SDK1: variants seen among roughly 807,000 people sequenced by gnomAD.
SDK1 encodes sidekick cell adhesion molecule 1, also known as protein sidekick-1.
Under a neutral mutation model 245.5 loss-of-function variants are expected in SDK1, and 157 were observed. The ratio of observed to expected loss-of-function variants is 0.64; its 90% CI spans 0.56 to 0.73. The LOEUF (loss-of-function observed/expected upper bound fraction) is 0.73. Among genes scored for constraint, SDK1 ranks in the 30% least tolerant of loss-of-function variants. SDK1 has a pLI of 0.00. For missense variants in SDK1, 3,583 were observed against 3,002.3 expected (o/e 1.19, Z -4.52); for synonymous variants, 1,647 against 1,278.5 (o/e 1.29, Z -6.15).
chr7:3,703,243 A>G (rs1784788913), intron 4 of SDK1, among the ~76,000 whole-genome samples: 1 of 152,162 alleles, frequency 6.6e-6, no homozygotes, highest in Non-Finnish European at 1.5e-5. Flanking sequence ...ATAATTTTAC[A>G]AATTATGGTG....
chr7:4,188,337 A>G (rs1011233249), intron 35 of SDK1, among the ~76,000 whole-genome samples: 1 of 152,178 alleles, frequency 6.6e-6, no homozygotes, highest in Non-Finnish European at 1.5e-5. Context: ...GAAATAGCCC[A>G]GGTTAAGTTT....
intron 1 of SDK1, among the ~76,000 whole-genome samples, chr7:3,578,854 C>A (rs893907069): frequency 1.3e-5 from 2 of 151,792 alleles, no homozygotes; most frequent in African/African-American, 4.8e-5. Context: ...ATTGTTCAAA[C>A]ACACATGTTT....
intron 30 of SDK1, among the ~76,000 whole-genome samples, chr7:4,157,211 T>C (rs1780788841): frequency 6.6e-6 from 1 of 151,266 alleles, no homozygotes; most frequent in Admixed American, 6.6e-5. Flanking sequence ...GCATGGGGCT[T>C]GGCACAGGAG....
At chr7:3,526,005 A>T (rs1583123382) in intron 1 of SDK1, among the ~76,000 whole-genome samples, 2 of 152,246 alleles carry the variant, frequency 1.3e-5, no homozygotes, top group South Asian at 4.1e-4. Flanking sequence ...AGGCTGAGGC[A>T]GGTGGAATCA....
chr7:4,259,431 G>A (rs1427486387), intron 44 of SDK1, among the ~76,000 whole-genome samples: 1 of 152,152 alleles, frequency 6.6e-6, no homozygotes, highest in Non-Finnish European at 1.5e-5. Flanking sequence ...GTGAAACTCT[G>A]TCTCAAAAAT....
At chr7:3,378,464 C>G (rs564851289) in intron 1 of SDK1, among the ~76,000 whole-genome samples, 1 of 152,248 alleles carries the variant, frequency 6.6e-6, no homozygotes, top group South Asian at 2.1e-4. Flanking sequence ...TTGACATTTT[C>G]TTCTGCTTAC....
chr7:3,903,179 C>T (rs1405233593), intron 5 of SDK1, among the ~76,000 whole-genome samples: 5 of 149,542 alleles, frequency 3.3e-5, no homozygotes, highest in South Asian at 2.1e-4. Flanking sequence ...GACGAGACTC[C>T]GTCGCTCAGG....
At chr7:3,684,955 T>C (rs980280834) in intron 4 of SDK1, among the ~76,000 whole-genome samples, 4 of 151,622 alleles carry the variant, frequency 2.6e-5, no homozygotes, top group African/African-American at 9.7e-5. Flanking sequence ...TAAGAAAAAA[T>C]AGATTGGACA....
chr7:3,782,878 C>T (rs1385287473), intron 4 of SDK1, among the ~76,000 whole-genome samples: 4 of 152,092 alleles, frequency 2.6e-5, no homozygotes, highest in Admixed American at 2.6e-4. Flanking sequence ...TTTTACAAAG[C>T]CAACATTACC....
chr7:3,744,440 A>T (rs534475156), intron 4 of SDK1, among the ~76,000 whole-genome samples: 34 of 152,296 alleles, frequency 2.2e-4, no homozygotes, highest in African/African-American at 7.7e-4. Context: ...AGTAAATCCG[A>T]TCAATGAATT....
Position 3,356,004 on chromosome 7 carries a change from A to G in SDK1, c.298+54120A>G, listed in dbSNP as rs563852289. Among the ~76,000 whole-genome samples, 11 of 152,338 alleles carry G rather than the reference A, an allele frequency of 7.2e-5. No homozygotes were observed. The South Asian group carries it at 2.3e-3, about 32-fold the overall frequency. ...CATTGTCATGAGGACTGCACTGAACAAATAGACACCTTATAGTGCTTATAG... is the reference window on the plus strand; with the variant it reads ...CATTGTCATGAGGACTGCACTGAACGAATAGACACCTTATAGTGCTTATAG... On this transcript the variant is annotated intron_variant, in intron 1 of 44. Transcript: ENST00000404826.
intron 4 of SDK1, among the ~76,000 whole-genome samples, chr7:3,783,936 AC>A (rs1400415714): frequency 6.6e-6 from 1 of 150,944 alleles, no homozygotes; most frequent in Non-Finnish European, 1.5e-5. Flanking sequence ...GCATCACACT[AC>A]CTGGTTTCAA....
chr7:3,312,690 G>T (rs1369612099), intron 1 of SDK1, among the ~76,000 whole-genome samples: 1 of 151,910 alleles, frequency 6.6e-6, no homozygotes, highest in Non-Finnish European at 1.5e-5. Context: ...AAATTTCTTC[G>T]AATACAGTAA....
At chr7:3,597,066 C>A (rs529435635) in intron 1 of SDK1, among the ~76,000 whole-genome samples, 1 of 151,744 alleles carries the variant, frequency 6.6e-6, no homozygotes, top group Non-Finnish European at 1.5e-5. Flanking sequence ...GTCAGGAGAT[C>A]GAAACCATCC....
At chr7:3,905,267 C>T (rs1778861083) in intron 5 of SDK1, among the ~76,000 whole-genome samples, 1 of 151,986 alleles carries the variant, frequency 6.6e-6, no homozygotes, top group African/African-American at 2.4e-5. Context: ...AAACGACTTT[C>T]ACTATTTTTC....
At chr7:4,040,398 A>G (rs772077839) in intron 17 of SDK1, among the ~76,000 whole-genome samples, 8 of 152,096 alleles carry the variant, frequency 5.3e-5, no homozygotes, top group Non-Finnish European at 8.8e-5. Flanking sequence ...CTACTTACAC[A>G]CAAGTCGAAC....
At chr7:3,992,656 T>C (rs1784417640) in intron 14 of SDK1, among the ~76,000 whole-genome samples, 1 of 152,204 alleles carries the variant, frequency 6.6e-6, no homozygotes, top group Admixed American at 6.5e-5. Context: ...TTTGAGATTA[T>C]TATGATCCTG....
At position 3,526,634 on chromosome 7, in the gene SDK1, T is replaced by C. The variant is rs541772592; in HGVS notation, c.299-92446T>C. On this transcript the variant is annotated intron_variant, in intron 1 of 44. Transcript: ENST00000404826. ...TGGATGAAGTGGTTACTTTCATTTC[T>C]CTTTTTCACCATCATGATTGTTTCC... Among the ~76,000 whole-genome samples, 4 of 152,370 alleles carry C rather than the reference T, an allele frequency of 2.6e-5. No homozygotes were observed. In the South Asian group the frequency reaches 8.3e-4, roughly 32 times the overall value.
chr7:3,415,373 G>C (rs1464879402), intron 1 of SDK1, among the ~76,000 whole-genome samples: 3 of 152,050 alleles, frequency 2.0e-5, no homozygotes, highest in Admixed American at 6.6e-5. Context: ...TGTGTGTAGA[G>C]AAGTGTGTAG....
Sources: gnomAD v4.1 joint callset for allele counts (sites outside exome capture counted in the v4.1 genomes callset) on GRCh38, gnomAD v4.1.1 for gene constraint, MANE v1.5 for transcripts, NCBI Gene and HGNC (gene_info 2026-07-23, HGNC 2026-07-21) for gene names.